HERC4: variants seen among roughly 807,000 people sequenced by gnomAD.
HERC4 encodes probable E3 ubiquitin-protein ligase HERC4.
In HERC4, 28 loss-of-function variants were observed where a neutral mutation model predicts 124.3. That is an observed-to-expected ratio of 0.23 (90% CI 0.17 to 0.31). HERC4 has a LOEUF of 0.31. Ranked by LOEUF, HERC4 falls within the 10% of genes least tolerant of loss-of-function variation. The pLI is 1.00. For missense variants in HERC4, 713 were observed against 1,229.3 expected (o/e 0.58, Z 6.28); for synonymous variants, 407 against 421.5 (o/e 0.97, Z 0.42).
chr10:68,003,718 C>T (rs892752405), intron 9 of HERC4, among the ~76,000 whole-genome samples: 7 of 152,118 alleles, frequency 4.6e-5, no homozygotes, highest in Non-Finnish European at 8.8e-5. Context: ...GAATAGTATT[C>T]CATTGTGTAT....
At chr10:67,971,113 A>C (rs1431523263) in intron 15 of HERC4, among the ~76,000 whole-genome samples, 3 of 152,088 alleles carry the variant, frequency 2.0e-5, no homozygotes, top group Non-Finnish European at 4.4e-5. Flanking sequence ...GAAAACCTGA[A>C]ATGTCTATAT....
At chr10:68,065,443 T>C (rs1223840553) in intron 3 of HERC4, among the ~76,000 whole-genome samples, 1 of 152,230 alleles carries the variant, frequency 6.6e-6, no homozygotes, top group African/African-American at 2.4e-5. Flanking sequence ...GAATGTCTTA[T>C]GGCCAAGAAA....
chr10:68,057,721 T>A (rs2040621500), intron 3 of HERC4, among the ~76,000 whole-genome samples: 2 of 151,418 alleles, frequency 1.3e-5, no homozygotes, highest in Admixed American at 1.3e-4. Flanking sequence ...TTTTTTTTTC[T>A]TTTAAGACAG....
At chr10:68,056,363 C>A (rs867376707) in intron 3 of HERC4, among the ~76,000 whole-genome samples, 35 of 152,132 alleles carry the variant, frequency 2.3e-4, no homozygotes, top group African/African-American at 7.2e-4. Context: ...ATTCAACAAC[C>A]CTGCCCTGAG....
At chr10:68,067,979 T>C (rs1324919860) in intron 3 of HERC4, 2 of 152,188 alleles carry the variant, frequency 1.3e-5, no homozygotes, top group African/African-American at 4.8e-5. Flanking sequence ...ATTTTTAAGT[T>C]TGTGTACAAG....
intron 19 of HERC4, among the ~76,000 whole-genome samples, chr10:67,945,254 G>C (rs148251017): frequency 8.3e-4 from 127 of 152,296 alleles, no homozygotes; most frequent in African/African-American, 2.9e-3. Flanking sequence ...TCTAGCAGTA[G>C]ACTTTTCAAT....
chr10:68,025,810 G>A, intron 7 of HERC4, 134 bp from the exon 8 acceptor site: 1 of 724,346 alleles, frequency 1.4e-6, no homozygotes, highest in South Asian at 2.9e-5. Context: ...CAATTTAACA[G>A]ACAGATGGCT....
intron 3 of HERC4, among the ~76,000 whole-genome samples, chr10:68,054,282 T>A (rs564369796): frequency 6.6e-6 from 1 of 152,182 alleles, no homozygotes; most frequent in African/African-American, 2.4e-5. Flanking sequence ...TGGTTTTTTA[T>A]AATTTTTTTT....
intron 16 of HERC4, 87 bp from the exon 17 acceptor site, chr10:67,957,063 A>G (rs1253872447): frequency 4.5e-6 from 3 of 672,586 alleles, no homozygotes; most frequent in Non-Finnish European, 7.3e-6. Flanking sequence ...AGTGGACTAC[A>G]TTCTTTGTTT....
chr10:67,925,062 T>C (rs751531254), intron 24 of HERC4, 23 bp downstream of exon 24: 7 of 1,255,824 alleles, frequency 5.6e-6, no homozygotes, highest in Admixed American at 3.4e-5. Context: ...TCATAAAGTA[T>C]ACAACTAGTT....
At chr10:68,070,211 A>C in intron 3 of HERC4, 1 of 983,960 alleles carries the variant, frequency 1.0e-6, no homozygotes, top group Non-Finnish European at 1.2e-6. Context: ...TCACAAATTT[A>C]AAAAGGGGTT....
chr10:67,938,938 TG>T (rs745453978), intron 21 of HERC4, among the ~76,000 whole-genome samples: 81 of 152,220 alleles, frequency 5.3e-4, no homozygotes, highest in Non-Finnish European at 9.9e-4. Flanking sequence ...AGCAAGACTC[TG>T]TCTCAAAAAA....
At chr10:68,026,151 C>T (rs1343749587) in intron 7 of HERC4, among the ~76,000 whole-genome samples, 7 of 152,222 alleles carry the variant, frequency 4.6e-5, no homozygotes, top group African/African-American at 9.6e-5. Flanking sequence ...GCTTGAGTGC[C>T]GTGGCATGAT....
chr10:68,048,224 C>T (rs527425330), intron 3 of HERC4, among the ~76,000 whole-genome samples: 1 of 152,260 alleles, frequency 6.6e-6, no homozygotes, highest in African/African-American at 2.4e-5. Flanking sequence ...CCAGCCCACA[C>T]AGAAGTTTCT....
chr10:67,925,170 C>T lies in HERC4; in HGVS notation c.2856G>A (p.Gly952=). The T allele has an allele frequency of 6.3e-7, 1 of 1,587,040 alleles. No individual in the cohort carries two copies. Residue 952 remains glycine, a synonymous_variant, in exon 24 of 25, where the codon GGG becomes GGA. Coordinates refer to ENST00000373700, the MANE Select transcript of HERC4 (RefSeq NM_015601.4). ...TCGTAGGATGTTCTGCCCAATATTC[C>T]CCTTTGTATTCTGTATTCTAAAAAC... ...KELEKNTEYK[G]EYWAEHPTIK... is the part of the protein sequence containing the mutation.
chr10:67,949,080 C>G (rs901254241), intron 19 of HERC4, among the ~76,000 whole-genome samples: 1 of 151,578 alleles, frequency 6.6e-6, no homozygotes, highest in African/African-American at 2.4e-5. Flanking sequence ...AGTGAAACCC[C>G]GTTTCTACTA....
intron 3 of HERC4, among the ~76,000 whole-genome samples, chr10:68,065,961 T>G (rs2041281261): frequency 6.6e-6 from 1 of 152,102 alleles, no homozygotes; most frequent in African/African-American, 2.4e-5. Flanking sequence ...AATTAATTAT[T>G]GCCTTTTAAA....
At chr10:68,010,240 A>G (rs892218011) in intron 9 of HERC4, 4 of 1,051,806 alleles carry the variant, frequency 3.8e-6, no homozygotes, top group Non-Finnish European at 5.7e-6. Context: ...GAGTGGCGAC[A>G]GAAACAGGGG....
intron 4 of HERC4, among the ~76,000 whole-genome samples, chr10:68,038,837 C>T (rs578163997): frequency 1.9e-4 from 29 of 152,096 alleles, no homozygotes; most frequent in Non-Finnish European, 8.8e-5. Context: ...TTCCTTCCCC[C>T]CTTTCCTGAG....
Sources: allele counts gnomAD v4.1 joint callset (sites outside exome capture counted in the v4.1 genomes callset), GRCh38; gene constraint gnomAD v4.1.1; transcripts MANE v1.5; gene names NCBI Gene and HGNC (gene_info 2026-07-23, HGNC 2026-07-21).